The following OLFML3 variants were observed in gnomAD, a reference collection of about 807,000 sequenced individuals.
OLFML3 encodes olfactomedin-like protein 3.
OLFML3 carries 26 observed loss-of-function variants against 36.0 expected under a neutral mutation model. That is an observed-to-expected ratio of 0.72 (90% CI 0.53 to 1.00). The LOEUF is 1.00. Ranked by LOEUF, OLFML3 falls within the 50% of genes least tolerant of loss-of-function variation. OLFML3 has a pLI of 0.00. For synonymous variants in OLFML3, 184 were observed against 201.2 expected, an observed-to-expected ratio of 0.91 and a Z score of 0.72; for missense variants, 503 against 519.4, an observed-to-expected ratio of 0.97 and a Z score of 0.31.
intron 1 of OLFML3, among the ~76,000 whole-genome samples, 164 bp downstream of exon 1, chr1:113,979,794 C>T (rs1673338246): frequency 6.6e-6 from 1 of 152,200 alleles, no homozygotes; most frequent in African/African-American, 2.4e-5. Context: ...CCTCCTCTTA[C>T]CCCACATAGA....
Position 113,981,826 on chromosome 1 carries a change from C to CA in OLFML3, c.*58dup. 1 of 1,452,668 alleles carries CA rather than the reference C, an allele frequency of 6.9e-7. No individual in the cohort carries two copies. The allele number at this position is 1,452,668 out of a possible 1,614,324, so 90.0% of individuals were successfully genotyped here. ...CTCCCATACATTTATATTATATCCC[C>CA]ACTAAATTTCTTGTTCCTCATTCTT... On this transcript the variant is annotated 3_prime_UTR_variant, in exon 3 of 3. Coordinates refer to ENST00000320334, the MANE Select transcript of OLFML3 (RefSeq NM_020190.5).
chr1:113,979,534 T>A lies in OLFML3; in HGVS notation c.18T>A (p.Pro6=). The part of the protein sequence containing the change: MGPST[P]LLILFLLSWS... ...AGGCTGCCATGGGGCCCAGCACCCC[T>A]CTCCTCATCTTGTTCCTTTTGTCAT... Residue 6 remains proline, a synonymous_variant, in exon 1 of 3, where the codon CCT becomes CCA. Coordinates refer to ENST00000320334, the MANE Select transcript of OLFML3 (RefSeq NM_020190.5). 6.2e-7 allele frequency: 1 copy of A among 1,613,894 alleles called. No individual in the cohort carries two copies. The highest frequency in any genetic ancestry group is 1.1e-5 in the South Asian group (1 of 91,068).
intron 2 of OLFML3, 83 bp from the exon 3 acceptor site, chr1:113,980,866 C>G: frequency 8.1e-7 from 1 of 1,239,320 alleles, no homozygotes; most frequent in Admixed American, 2.9e-5. Flanking sequence ...TCACTATTCT[C>G]CAGATCACCC....
Position 113,980,462 on chromosome 1 carries a change from C to T in OLFML3, c.245C>T (p.Thr82Ile), listed in dbSNP as rs200985715. 474 of 1,613,972 alleles carry T rather than the reference C, an allele frequency of 2.9e-4. 6 individuals carry two copies. The South Asian group carries it at 4.9e-3, about 17-fold the overall frequency. Residue 82 changes from threonine to isoleucine, a missense_variant, in exon 2 of 3, where the codon ACC (threonine) becomes ATC (isoleucine). Transcript: ENST00000320334. ...GAGGCACTCAGAACTGAGGCCGACA[C>T]CATCTCCGGGAGAGTGGATCGTCTG... ...EREALRTEAD[T>I]ISGRVDRLER...
At chr1:113,980,278 C>A in intron 1 of OLFML3, 54 bp from the exon 2 acceptor site, 1 of 1,523,638 alleles carries the variant, frequency 6.6e-7, no homozygotes, top group South Asian at 1.3e-5. Flanking sequence ...TGGGCCTCTC[C>A]CTGCCTGGGA....
In OLFML3 at chr1:113,981,220, G is replaced by A; in HGVS notation, c.672G>A (p.Arg224=). 6.2e-7 allele frequency: 1 copy of A among 1,614,084 alleles called. No homozygotes were observed. Among genetic ancestry groups the A allele is most frequent in the Non-Finnish European group, 8.5e-7 (1 of 1,179,964 alleles). ...VYGGFLYFAR[R]PPGRPGGGGE... ...GTGGCTTTCTTTATTTTGCTCGGAG[G>A]CCTCCTGGAAGACCTGGTGGAGGTG... Residue 224 remains arginine, a synonymous_variant, in exon 3 of 3, where the codon AGG becomes AGA. Coordinates refer to ENST00000320334, the MANE Select transcript of OLFML3 (RefSeq NM_020190.5).
chr1:113,980,433 G>A lies in OLFML3; in HGVS notation c.216G>A (p.Glu72=). ...CACTGCTGGAGGTGGCAGAGAAGGA[G>A]CGGGAGGCACTCAGAACTGAGGCCG... ...MLPLLEVAEK[E]REALRTEADT... The change falls in exon 2 of 3, where the codon GAG becomes GAA. Residue 72 remains glutamate, a synonymous_variant. Coordinates refer to ENST00000320334, the MANE Select transcript of OLFML3 (RefSeq NM_020190.5). 1 of 1,613,642 alleles carries A rather than the reference G, an allele frequency of 6.2e-7. No individual in the cohort carries two copies. Among genetic ancestry groups the A allele is most frequent in the South Asian group, 1.1e-5 (1 of 90,990 alleles).
In OLFML3 at chr1:113,981,005, G is replaced by T. The variant is rs1673388221; in HGVS notation, c.457G>T (p.Gly153Cys). The T allele has an allele frequency of 1.3e-6, 2 of 1,550,232 alleles. No individual in the cohort carries two copies. Among genetic ancestry groups the T allele is most frequent in the South Asian group, 1.2e-5 (1 of 80,402 alleles). The change falls in exon 3 of 3, where the codon GGC (glycine) becomes TGC (cysteine). Residue 153 changes from glycine to cysteine, a missense_variant. Coordinates refer to ENST00000320334, the MANE Select transcript of OLFML3 (RefSeq NM_020190.5). ...RSMKILKRFG[G>C]PAGLWTKDPL... is the part of the protein sequence containing the mutation. ...AATGAAGATTCTGAAGCGATTTGGT[G>T]GCCCAGCTGGTCTATGGACCAAGGA...
In OLFML3 at chr1:113,980,329, C is replaced by T. The variant is rs934122749; in HGVS notation, c.115-3C>T. On this transcript the variant is annotated splice_polypyrimidine_tract_variant and splice_region_variant and intron_variant, in intron 1 of 2. Transcript: ENST00000320334. The stretch of plus-strand genomic sequence containing the variant: ...CCTCCCTCCTGATCCCCCATCCCTT[C>T]AGGAACGGCTGGCCCAGTGCCAGGA... The T allele has an allele frequency of 3.9e-6, 6 of 1,545,952 alleles. No homozygotes were observed. The highest frequency in any genetic ancestry group is 5.2e-6 in the Non-Finnish European group (6 of 1,145,450).
Position 113,981,589 on chromosome 1 carries a change from C to T in OLFML3, c.1041C>T (p.Cys347=), listed in dbSNP as rs1673417071. 1 of 1,614,020 alleles carries T rather than the reference C, an allele frequency of 6.2e-7. No individual in the cohort carries two copies. Among genetic ancestry groups the T allele is most frequent in the South Asian group, 1.1e-5 (1 of 91,082 alleles). The part of the protein sequence containing the change: ...TRPASRARIQ[C]SFDASGTLTP... ...CTGCCAGTCGGGCCCGCATCCAGTG[C>T]TCCTTTGATGCCAGCGGCACCCTGA... The change falls in exon 3 of 3, where the codon TGC becomes TGT. Residue 347 remains cysteine (C), a synonymous_variant. Coordinates refer to ENST00000320334, the MANE Select transcript of OLFML3 (RefSeq NM_020190.5).
chr1:113,979,917 T>A (rs1244278319), intron 1 of OLFML3: 3 of 1,420,846 alleles, frequency 2.1e-6, no homozygotes, highest in South Asian at 1.6e-5. Flanking sequence ...GAGAAGGTGA[T>A]GATTCTGTTG....
In OLFML3 at chr1:113,980,513, C is replaced by G; in HGVS notation, c.296C>G (p.Thr99Ser). ...RLEREVDYLE[T>S]QNPALPCVEF... ...GAGCGGGAGGTAGACTATCTGGAGACCCAGAACCCAGCTCTGCCCTGTGTA... is the reference window on the plus strand; with the variant it reads ...GAGCGGGAGGTAGACTATCTGGAGAGCCAGAACCCAGCTCTGCCCTGTGTA... Residue 99 changes from threonine (T) to serine (S), a missense_variant, in exon 2 of 3, where the codon ACC becomes AGC. By Grantham distance (58) the Thr-to-Ser change is moderately conservative (BLOSUM62 1). Coordinates refer to ENST00000320334, the MANE Select transcript of OLFML3 (RefSeq NM_020190.5). 6.2e-7 allele frequency: 1 copy of G among 1,614,108 alleles called. No individual in the cohort carries two copies.
chr1:113,980,686 C>CT (rs1244427001), intron 2 of OLFML3, 69 bp downstream of exon 2: 174 of 1,450,144 alleles, frequency 1.2e-4, no homozygotes, highest in Non-Finnish European at 1.4e-4. Flanking sequence ...GCTTCTTACT[C>CT]TTTTTTTCGC....
In OLFML3 at chr1:113,980,295, AC is replaced by A. The variant is rs747188108; in HGVS notation, c.115-34del. 5.2e-6 allele frequency: 8 copies of A among 1,527,480 alleles called. No homozygotes were observed. The Admixed American group carries it at 8.4e-5, about 16-fold the overall frequency. The allele number at this position is 1,527,480 out of a possible 1,614,324, so 94.6% of individuals were successfully genotyped here. ...GGCCTCTCCCTGCCTGGGAGTTGTA[AC>A]CCTGCAGCCTCCCTCCTGATCCCCC... On this transcript the variant is annotated intron_variant, in intron 1 of 2. Transcript: ENST00000320334.
chr1:113,979,956 C>T, intron 1 of OLFML3: 4 of 1,434,234 alleles, frequency 2.8e-6, no homozygotes, highest in Non-Finnish European at 3.7e-6. Flanking sequence ...GAATCTATAA[C>T]TTCCTGTCTT....
At chr1:113,979,889 TG>T (rs1166983399) in intron 1 of OLFML3, 2 of 1,372,892 alleles carry the variant, frequency 1.5e-6, no homozygotes, top group African/African-American at 2.9e-5. Context: ...GAGCCAAAAT[TG>T]TGGGGCTGCA....
intron 1 of OLFML3, 133 bp downstream of exon 1, chr1:113,979,763 AG>A (rs1673336973): frequency 1.2e-6 from 1 of 826,868 alleles, no homozygotes; most frequent in South Asian, 1.7e-5. Flanking sequence ...TCTTAATAAG[AG>A]GACCTTCGGA....
Position 113,981,988 on chromosome 1 carries a change from T to C in OLFML3, c.*219T>C. The C allele has an allele frequency of 1.8e-6, 1 of 561,258 alleles. No individual in the cohort carries two copies. The highest frequency in any genetic ancestry group is 2.0e-5 in the South Asian group (1 of 49,060). 34.8% of individuals were successfully genotyped at this position (561,258 alleles called of 1,614,324 possible). A position where few individuals can be genotyped will look rare whatever the true frequency, so the allele number is the denominator to read the frequency against. On this transcript the variant is annotated 3_prime_UTR_variant, in exon 3 of 3. Transcript: ENST00000320334. Reference sequence around the variant, plus strand: ...GAGCCCGAAGAGTCAAAACCCTCAATGTTCCCTCCTGCTCTCCTGCCCCAT... The same window carrying C: ...GAGCCCGAAGAGTCAAAACCCTCAACGTTCCCTCCTGCTCTCCTGCCCCAT...
At chr1:113,979,699 T>G in intron 1 of OLFML3, 69 bp downstream of exon 1, 1 of 1,195,720 alleles carries the variant, frequency 8.4e-7, no homozygotes, top group Non-Finnish European at 1.2e-6. Flanking sequence ...ACCAGTTTGT[T>G]AGGGATCTGG....
Sources: allele counts gnomAD v4.1 joint callset (sites outside exome capture counted in the v4.1 genomes callset), GRCh38; gene constraint gnomAD v4.1.1; transcripts MANE v1.5; gene names NCBI Gene and HGNC (gene_info 2026-07-23, HGNC 2026-07-21).